Variants in CD226 observed in about 807,000 individuals in gnomAD.
CD226 encodes the protein CD226 antigen.
A neutral mutation model predicts 34.9 loss-of-function variants in CD226; 24 were observed. The observed-to-expected ratio is 0.69, with a 90% confidence interval of 0.50 to 0.97. The LOEUF is 0.97. CD226 is among the 50% of genes least tolerant of loss of function. The probability of loss-of-function intolerance (pLI) is 0.00; values close to 1 mark genes in which losing one functional copy is unlikely to be tolerated. For missense variants in CD226, 397 were observed against 412.7 expected (o/e 0.96, Z 0.33); for synonymous variants, 148 against 147.4 (o/e 1.00, Z -0.03).
chr18:69,860,723 T>C lies in CD226; in HGVS notation c.*3591A>G, dbSNP rs990244249. The C allele has an allele frequency of 2.0e-5, 3 of 152,146 alleles. No homozygotes were observed. The highest frequency in any genetic ancestry group is 3.8e-4 in the East Asian group (2 of 5,198). 9.4% of individuals were successfully genotyped at this position (152,146 alleles called of 1,614,324 possible). ...TTATACAGAAGTCTGAAGGTGGAGATCAGTACTTTCTAGATGTTACATTTT... is the reference window on the plus strand; with the variant it reads ...TTATACAGAAGTCTGAAGGTGGAGACCAGTACTTTCTAGATGTTACATTTT... On this transcript the variant is annotated 3_prime_UTR_variant, in exon 6 of 6. Transcript: ENST00000582621.
At chr18:69,888,058 T>A (rs1378957128) in intron 3 of CD226, among the ~76,000 whole-genome samples, 1 of 152,210 alleles carries the variant, frequency 6.6e-6, no homozygotes, top group Non-Finnish European at 1.5e-5. Context: ...TTTATCAGGA[T>A]CCATGTCAAT....
rs1982885629 is a variant in CD226 at position 69,862,621 on chromosome 18, C to T, written c.*1693G>A. ...CACTCCTGAAAAGGGTTAAAAGAAACTCACAAATTTTATAATTCACAGAAA... is the reference window on the plus strand; with the variant it reads ...CACTCCTGAAAAGGGTTAAAAGAAATTCACAAATTTTATAATTCACAGAAA... On this transcript the variant is annotated 3_prime_UTR_variant, in exon 6 of 6. Transcript: ENST00000582621. The T allele has an allele frequency of 6.7e-6, 1 of 150,180 alleles. No homozygotes were observed. Among genetic ancestry groups the T allele is most frequent in the African/African-American group, 2.4e-5 (1 of 41,004 alleles). 9.3% of individuals were successfully genotyped at this position (150,180 alleles called of 1,614,324 possible). A position where few individuals can be genotyped will look rare whatever the true frequency, so the allele number is the denominator to read the frequency against.
chr18:69,939,337 A>G (rs1374400097), intron 2 of CD226, among the ~76,000 whole-genome samples: 2 of 152,208 alleles, frequency 1.3e-5, no homozygotes, highest in African/African-American at 4.8e-5. Flanking sequence ...TAAAACCTTT[A>G]AAGAAAAGGA....
chr18:69,942,469 C>CA (rs879547586), intron 2 of CD226, among the ~76,000 whole-genome samples: 5 of 152,212 alleles, frequency 3.3e-5, no homozygotes, highest in Admixed American at 1.3e-4. Flanking sequence ...AAAAACTAGT[C>CA]AGAGATGTCC....
At position 69,893,339 on chromosome 18, in the gene CD226, T is replaced by C. The variant is rs543359056; in HGVS notation, c.727+2362A>G. On this transcript the variant is annotated intron_variant, in intron 3 of 5. Transcript: ENST00000582621. ...TGTTTATAATTTACATACAAAGAAATAGTTTTGTGCAAGAAACTTAGTCAT... is the reference window on the plus strand; with the variant it reads ...TGTTTATAATTTACATACAAAGAAACAGTTTTGTGCAAGAAACTTAGTCAT... 3.3e-5 allele frequency among the ~76,000 whole-genome samples: 5 copies of C among 152,330 alleles called. No homozygotes were observed. In the East Asian group the frequency reaches 7.7e-4, roughly 23 times the overall value.
At chr18:69,927,389 A>ACACACAAAC (rs2055535609) in intron 2 of CD226, among the ~76,000 whole-genome samples, 5 of 65,854 alleles carry the variant, frequency 7.6e-5, no homozygotes, top group African/African-American at 2.2e-4. Context: ...CACACACACA[A>ACACACAAAC]ACACACACAC....
At chr18:69,879,617 C>A (rs534540890) in intron 3 of CD226, among the ~76,000 whole-genome samples, 64 of 152,274 alleles carry the variant, frequency 4.2e-4, no homozygotes, top group African/African-American at 1.5e-3. Context: ...ACATGCTTTA[C>A]AAACAATTTG....
chr18:69,875,826 T>C (rs894561172), intron 3 of CD226, among the ~76,000 whole-genome samples: 1 of 152,202 alleles, frequency 6.6e-6, no homozygotes, highest in Non-Finnish European at 1.5e-5. Context: ...AGACAAATAC[T>C]GTATAATCTC....
rs566508087 is a variant in CD226, at chr18:69,916,256, T to C, written c.383-20211A>G. 5.3e-5 allele frequency among the ~76,000 whole-genome samples: 8 copies of C among 152,264 alleles called. No individual in the cohort carries two copies. The East Asian group carries it at 1.4e-3, about 26-fold the overall frequency. On this transcript the variant is annotated intron_variant, in intron 2 of 5. Coordinates refer to ENST00000582621, the MANE Select transcript of CD226 (RefSeq NM_001303618.2). ...ATATTTCAGGAAAAGATTAATTTGG[T>C]GTGTGGTTACTTATAAAATCATGTA...
chr18:69,940,041 G>T (rs1346461449), intron 2 of CD226, among the ~76,000 whole-genome samples: 1 of 152,288 alleles, frequency 6.6e-6, no homozygotes, highest in African/African-American at 2.4e-5. Context: ...TGAATCATGG[G>T]GGTGGTTTCC....
intron 2 of CD226, among the ~76,000 whole-genome samples, chr18:69,943,554 T>C (rs2055751715): frequency 6.6e-6 from 1 of 152,242 alleles, no homozygotes; most frequent in South Asian, 2.1e-4. Flanking sequence ...ATGTCCTGTT[T>C]GCTCTTAAAC....
At chr18:69,928,804 G>A (rs1489862808) in intron 2 of CD226, among the ~76,000 whole-genome samples, 2 of 152,182 alleles carry the variant, frequency 1.3e-5, no homozygotes, top group African/African-American at 4.8e-5. Context: ...TCAGTCTGTA[G>A]TACACAGAGT....
At chr18:69,916,708 A>T (rs969767350) in intron 2 of CD226, among the ~76,000 whole-genome samples, 1 of 152,146 alleles carries the variant, frequency 6.6e-6, no homozygotes, top group Non-Finnish European at 1.5e-5. Flanking sequence ...AGGGGCATGA[A>T]CTGTCCTTTT....
intron 2 of CD226, among the ~76,000 whole-genome samples, chr18:69,926,061 G>A (rs2055517546): frequency 6.6e-6 from 1 of 151,980 alleles, no homozygotes; most frequent in South Asian, 2.1e-4. Flanking sequence ...GAGAATCACT[G>A]GAACCCAGGA....
At chr18:69,911,055 G>A (rs2055318414) in intron 2 of CD226, among the ~76,000 whole-genome samples, 1 of 152,220 alleles carries the variant, frequency 6.6e-6, no homozygotes, top group East Asian at 1.9e-4. Flanking sequence ...TGTTGGCGAA[G>A]TGAGTTAGCT....
At chr18:69,880,902 C>T (rs1175824905) in intron 3 of CD226, among the ~76,000 whole-genome samples, 3 of 152,092 alleles carry the variant, frequency 2.0e-5, no homozygotes, top group Non-Finnish European at 2.9e-5. Flanking sequence ...CCACCTGCCT[C>T]GGTCTCCTAA....
chr18:69,943,778 T>C (rs556752466), intron 2 of CD226, among the ~76,000 whole-genome samples: 2 of 152,254 alleles, frequency 1.3e-5, no homozygotes, highest in Admixed American at 6.5e-5. Flanking sequence ...AATCAGGCAA[T>C]ACAAACGTTC....
At chr18:69,891,886 TTA>T (rs1378826858) in intron 3 of CD226, among the ~76,000 whole-genome samples, 2 of 152,256 alleles carry the variant, frequency 1.3e-5, no homozygotes, top group Non-Finnish European at 1.5e-5. Flanking sequence ...TGCTTGACAA[TTA>T]TATGAGATGC....
At chr18:69,955,311 C>A (rs2145387194) in intron 1 of CD226, among the ~76,000 whole-genome samples, 1 of 152,322 alleles carries the variant, frequency 6.6e-6, no homozygotes, top group Non-Finnish European at 1.5e-5. Flanking sequence ...ACCCCACCTT[C>A]CCCAGTTTAT....
Sources: gnomAD v4.1 joint callset for allele counts (sites outside exome capture counted in the v4.1 genomes callset) on GRCh38, gnomAD v4.1.1 for gene constraint, MANE v1.5 for transcripts, NCBI Gene and HGNC (gene_info 2026-07-23, HGNC 2026-07-21) for gene names.